Variants in DIAPH3 observed in about 807,000 individuals in gnomAD.
The protein encoded by DIAPH3 is protein diaphanous homolog 3.
Under a neutral mutation model 144.3 loss-of-function variants are expected in DIAPH3, and 117 were observed. That is an observed-to-expected ratio of 0.81 (90% confidence interval 0.70 to 0.95). The LOEUF (loss-of-function observed/expected upper bound fraction) is 0.95. Among genes scored for constraint, DIAPH3 ranks in the 40% least tolerant of loss-of-function variants. The pLI, the probability that DIAPH3 is intolerant of heterozygous loss-of-function variation, is 0.00. For missense variants in DIAPH3, 1,421 were observed against 1,412.7 expected, an observed-to-expected ratio of 1.01 and a Z score of -0.09; for synonymous variants, 519 against 488.9, an observed-to-expected ratio of 1.06 and a Z score of -0.81.
chr13:60,106,298 T>C (rs1466467915), intron 3 of DIAPH3, among the ~76,000 whole-genome samples: 1 of 152,160 alleles, frequency 6.6e-6, no homozygotes, highest in Admixed American at 6.5e-5. Flanking sequence ...AAACTTGATC[T>C]ATAACATTAG....
intron 21 of DIAPH3, among the ~76,000 whole-genome samples, chr13:59,877,435 A>C (rs2044702285): frequency 6.6e-6 from 1 of 152,074 alleles, no homozygotes; most frequent in Non-Finnish European, 1.5e-5. Context: ...GCGCTGTCCA[A>C]TAACTTTATG....
intron 27 of DIAPH3, among the ~76,000 whole-genome samples, chr13:59,712,690 TC>T (rs2034815020): frequency 6.6e-6 from 1 of 152,168 alleles, no homozygotes; most frequent in African/African-American, 2.4e-5. Context: ...TGACTTGTCA[TC>T]CCCCATTTTA....
chr13:59,992,036 T>G, intron 11 of DIAPH3, 32 bp downstream of exon 11: 1 of 1,549,946 alleles, frequency 6.5e-7, no homozygotes, highest in Non-Finnish European at 8.9e-7. Context: ...ATTTTATATA[T>G]GATTTGACTA....
chr13:60,108,436 A>C (rs1594687585), intron 3 of DIAPH3, among the ~76,000 whole-genome samples: 1 of 151,932 alleles, frequency 6.6e-6, no homozygotes, highest in East Asian at 1.9e-4. Context: ...TGGTGAAACC[A>C]CATCTCTACC....
At chr13:59,866,449 T>C (rs1428410185) in intron 21 of DIAPH3, among the ~76,000 whole-genome samples, 5 of 152,128 alleles carry the variant, frequency 3.3e-5, no homozygotes, top group Admixed American at 1.3e-4. Flanking sequence ...AAAATGGCAG[T>C]AAAACAACAA....
chr13:60,020,940 C>A (rs957269693), intron 5 of DIAPH3: 1 of 152,182 alleles, frequency 6.6e-6, no homozygotes, highest in Non-Finnish European at 1.5e-5. Flanking sequence ...TGCACAAAGA[C>A]ATTAAATGTA....
At chr13:59,723,652 C>T (rs2035457128) in intron 27 of DIAPH3, among the ~76,000 whole-genome samples, 1 of 151,562 alleles carries the variant, frequency 6.6e-6, no homozygotes, top group Non-Finnish European at 1.5e-5. Flanking sequence ...ACACTGTCAC[C>T]TGGGCTGGTG....
chr13:59,851,402 T>C (rs2042960805), intron 22 of DIAPH3, among the ~76,000 whole-genome samples: 2 of 152,124 alleles, frequency 1.3e-5, no homozygotes, highest in Non-Finnish European at 2.9e-5. Context: ...AAAGACCACT[T>C]TCTCTACAGG....
At chr13:60,150,926 A>G (rs562294031) in intron 1 of DIAPH3, among the ~76,000 whole-genome samples, 1 of 152,288 alleles carries the variant, frequency 6.6e-6, no homozygotes, top group Non-Finnish European at 1.5e-5. Flanking sequence ...AAATGTTGAC[A>G]GCAGGAGGCA....
chr13:59,885,773 G>C (rs941472753), intron 20 of DIAPH3, among the ~76,000 whole-genome samples: 1 of 152,058 alleles, frequency 6.6e-6, no homozygotes, highest in African/African-American at 2.4e-5. Flanking sequence ...CCCTAGACTG[G>C]AGTGATACAT....
intron 27 of DIAPH3, among the ~76,000 whole-genome samples, chr13:59,759,508 T>C (rs892172112): frequency 3.3e-5 from 5 of 152,184 alleles, no homozygotes; most frequent in African/African-American, 1.2e-4. Flanking sequence ...CATCACTAAA[T>C]ACATTTCTTT....
At chr13:59,704,614 T>C (rs1014555569) in intron 27 of DIAPH3, among the ~76,000 whole-genome samples, 7 of 152,244 alleles carry the variant, frequency 4.6e-5, no homozygotes, top group African/African-American at 1.7e-4. Context: ...GCATTTTTAC[T>C]ATACCTTTTT....
At chr13:59,817,855 T>C (rs1455502110) in intron 24 of DIAPH3, among the ~76,000 whole-genome samples, 1 of 151,992 alleles carries the variant, frequency 6.6e-6, no homozygotes, top group African/African-American at 2.4e-5. Context: ...TTAATATCTG[T>C]ATCTCCCTTT....
chr13:59,903,055 T>C (rs2046534255), intron 20 of DIAPH3, among the ~76,000 whole-genome samples: 1 of 152,156 alleles, frequency 6.6e-6, no homozygotes, highest in African/African-American at 2.4e-5. Context: ...AGACAGTAGA[T>C]TCTGCCAACT....
intron 4 of DIAPH3, among the ~76,000 whole-genome samples, chr13:60,089,011 T>C (rs1401483212): frequency 6.6e-6 from 1 of 152,220 alleles, no homozygotes; most frequent in Non-Finnish European, 1.5e-5. Flanking sequence ...TAAGAATCCT[T>C]TTTAACACAT....
chr13:59,863,056 C>T (rs536229007), intron 21 of DIAPH3, among the ~76,000 whole-genome samples: 6 of 152,154 alleles, frequency 3.9e-5, no homozygotes, highest in Admixed American at 6.6e-5. Context: ...GGGCTTGAGA[C>T]GACCAGGGTG....
chr13:59,774,640 A>G, intron 26 of DIAPH3, 88 bp downstream of exon 26: 1 of 1,302,604 alleles, frequency 7.7e-7, no homozygotes, highest in Non-Finnish European at 1.1e-6. Flanking sequence ...TGCATTCTTG[A>G]CACACAACTT....
At chr13:59,951,577 CTT>C (rs2049100919) in intron 17 of DIAPH3, among the ~76,000 whole-genome samples, 1 of 152,114 alleles carries the variant, frequency 6.6e-6, no homozygotes, top group South Asian at 2.1e-4. Flanking sequence ...ACTCAATAAA[CTT>C]CATAATTAAA....
At chr13:60,000,324 T>C (rs2052446151) in intron 9 of DIAPH3, among the ~76,000 whole-genome samples, 1 of 152,080 alleles carries the variant, frequency 6.6e-6, no homozygotes, top group Admixed American at 6.6e-5. Flanking sequence ...GATATAAGGG[T>C]TGCACAACAA....
Sources: gnomAD v4.1 joint callset for allele counts (sites outside exome capture counted in the v4.1 genomes callset) on GRCh38, gnomAD v4.1.1 for gene constraint, MANE v1.5 for transcripts, NCBI Gene and HGNC (gene_info 2026-07-23, HGNC 2026-07-21) for gene names.